Variants in SAMMSON observed in about 807,000 individuals in gnomAD.
SAMMSON encodes the protein survival associated mitochondrial melanoma specific oncogenic non-coding RNA.
chr3:70,400,900 C>A (rs541143416), intron 2 of SAMMSON, among the ~76,000 whole-genome samples: 9 of 152,102 alleles, frequency 5.9e-5, no homozygotes, highest in African/African-American at 2.2e-4. Flanking sequence ...CCACTGCACT[C>A]CAGCCTGGGT....
At chr3:70,344,124 C>G (rs1184603501) in intron 7 of SAMMSON, among the ~76,000 whole-genome samples, 4 of 151,826 alleles carry the variant, frequency 2.6e-5, no homozygotes, top group Non-Finnish European at 5.9e-5. Flanking sequence ...CACCAAAGAC[C>G]CCACCCTCAA....
intron 4 of SAMMSON, chr3:70,140,389 C>A: frequency 4.9e-6 from 1 of 202,158 alleles, no homozygotes; most frequent in South Asian, 9.8e-5. Flanking sequence ...AGTGTATATC[C>A]TTCCAGTCAC....
chr3:70,328,537 T>C (rs760222216), intron 7 of SAMMSON, among the ~76,000 whole-genome samples: 1 of 151,888 alleles, frequency 6.6e-6, no homozygotes, highest in Non-Finnish European at 1.5e-5. Flanking sequence ...AAAACAAAAA[T>C]GAGTTGGATA....
intron 4 of SAMMSON, among the ~76,000 whole-genome samples, chr3:70,230,490 G>C (rs1025624690): frequency 2.6e-5 from 2 of 76,424 alleles, no homozygotes; most frequent in African/African-American, 7.1e-5. Flanking sequence ...AGACAAATTC[G>C]AGATGAATCA....
intron 4 of SAMMSON, among the ~76,000 whole-genome samples, chr3:70,106,084 C>A (rs1188004137): frequency 2.6e-5 from 4 of 152,088 alleles, no homozygotes; most frequent in Non-Finnish European, 5.9e-5. Context: ...CCTTTTAATT[C>A]TTGTTTTCAT....
intron 7 of SAMMSON, among the ~76,000 whole-genome samples, chr3:70,349,297 G>A (rs1702774518): frequency 2.0e-5 from 3 of 151,896 alleles, no homozygotes; most frequent in Admixed American, 6.6e-5. Flanking sequence ...TTGCTTGAAC[G>A]CAGGAGGCAG....
chr3:70,369,183 A>G (rs1702944991), intron 9 of SAMMSON, among the ~76,000 whole-genome samples: 1 of 151,656 alleles, frequency 6.6e-6, no homozygotes, highest in Non-Finnish European at 1.5e-5. Flanking sequence ...CATTGCTTTT[A>G]TATAGGAAAG....
chr3:70,125,454 T>G, intron 4 of SAMMSON: 1 of 825,532 alleles, frequency 1.2e-6, no homozygotes, highest in Non-Finnish European at 2.0e-6. Flanking sequence ...CTTCTAGAAA[T>G]ACATTCCGAT....
chr3:70,318,696 T>G (rs1702514093), intron 7 of SAMMSON, among the ~76,000 whole-genome samples: 1 of 152,086 alleles, frequency 6.6e-6, no homozygotes, highest in African/African-American at 2.4e-5. Context: ...TTTAGTTGTA[T>G]GCTAGACATT....
chr3:70,211,237 T>C (rs538045650), intron 4 of SAMMSON, among the ~76,000 whole-genome samples: 2 of 151,748 alleles, frequency 1.3e-5, no homozygotes, highest in African/African-American at 2.4e-5. Context: ...TTTCCCTTTT[T>C]CCTTTTCCTT....
chr3:70,125,786 G>A (rs1466102927), intron 4 of SAMMSON: 6 of 653,212 alleles, frequency 9.2e-6, no homozygotes, highest in African/African-American at 7.3e-5. Context: ...TTTCTCACAT[G>A]GCGCTGCCTT....
intron 2 of SAMMSON, among the ~76,000 whole-genome samples, chr3:70,402,379 A>G (rs1010773364): frequency 1.3e-5 from 2 of 152,206 alleles, no homozygotes; most frequent in African/African-American, 4.8e-5. Flanking sequence ...ATGCATGCAC[A>G]GTTTTAGGGG....
chr3:70,026,860 A>G lies in SAMMSON; in HGVS notation n.417+13188A>G, dbSNP rs370357415. On this transcript the variant is annotated intron_variant and non_coding_transcript_variant, in intron 3 of 9. Coordinates refer to ENST00000642114, the Ensembl canonical transcript of SAMMSON. ...CCTATCAGTCTTTTCTTTTTCTCTTAGCATAATGAATATTGATTAAACCCA... is the reference window on the plus strand; with the variant it reads ...CCTATCAGTCTTTTCTTTTTCTCTTGGCATAATGAATATTGATTAAACCCA... Among the ~76,000 whole-genome samples, 12 of 152,296 alleles carry G rather than the reference A, an allele frequency of 7.9e-5. No individual in the cohort carries two copies. The South Asian group carries it at 2.5e-3, about 32-fold the overall frequency.
intron 4 of SAMMSON, among the ~76,000 whole-genome samples, chr3:70,238,395 G>T (rs968835139): frequency 1.3e-5 from 2 of 151,932 alleles, no homozygotes; most frequent in South Asian, 2.1e-4. Flanking sequence ...GATCATTTGA[G>T]CCCAGGAGTT....
At chr3:70,232,645 G>A (rs999400233) in intron 4 of SAMMSON, among the ~76,000 whole-genome samples, 1 of 151,962 alleles carries the variant, frequency 6.6e-6, no homozygotes, top group Non-Finnish European at 1.5e-5. Context: ...TGATCCGCCC[G>A]CCTCAGCCTC....
chr3:70,026,072 A>G (rs1021371589), intron 3 of SAMMSON, among the ~76,000 whole-genome samples: 1 of 152,138 alleles, frequency 6.6e-6, no homozygotes, highest in African/African-American at 2.4e-5. Context: ...TTATAAAAGT[A>G]AAAAAAGAGA....
At chr3:70,324,788 C>G (rs764538469) in intron 7 of SAMMSON, among the ~76,000 whole-genome samples, 1 of 152,014 alleles carries the variant, frequency 6.6e-6, no homozygotes, top group Non-Finnish European at 1.5e-5. Context: ...AAACTGCGTC[C>G]TGACATAACA....
chr3:70,421,064 A>G (rs955818896), intron 2 of SAMMSON, among the ~76,000 whole-genome samples: 2 of 152,166 alleles, frequency 1.3e-5, no homozygotes, highest in Non-Finnish European at 2.9e-5. Context: ...TTATATACAT[A>G]TAATTCCATC....
intron 6 of SAMMSON, among the ~76,000 whole-genome samples, chr3:70,277,363 T>C (rs1165767070): frequency 6.6e-6 from 1 of 152,192 alleles, no homozygotes; most frequent in African/African-American, 2.4e-5. Context: ...TTTGACTTTT[T>C]TCCCCCAGCA....
Sources: gnomAD v4.1 joint callset for allele counts (sites outside exome capture counted in the v4.1 genomes callset) on GRCh38, gnomAD v4.1.1 for gene constraint, MANE v1.5 for transcripts, NCBI Gene and HGNC (gene_info 2026-07-23, HGNC 2026-07-21) for gene names.